The following HIBADH variants were observed in gnomAD, a reference collection of about 807,000 sequenced individuals.
HIBADH encodes the protein 3-hydroxyisobutyrate dehydrogenase.
HIBADH carries 25 observed loss-of-function variants against 36.1 expected under a neutral mutation model. That is an observed-to-expected ratio of 0.69 (90% CI 0.50 to 0.97). HIBADH has a LOEUF of 0.97. Ranked by LOEUF, HIBADH falls within the 50% of genes least tolerant of loss-of-function variation. The probability of loss-of-function intolerance (pLI) is 0.00; values close to 1 mark genes in which losing one functional copy is unlikely to be tolerated. For synonymous variants in HIBADH, 160 were observed against 149.5 expected (o/e 1.07, Z -0.51); for missense variants, 421 against 418.0 (o/e 1.01, Z -0.06).
intron 4 of HIBADH, among the ~76,000 whole-genome samples, chr7:27,620,710 T>C (rs1331049372): frequency 6.6e-6 from 1 of 151,846 alleles, no homozygotes; most frequent in East Asian, 1.9e-4. Context: ...CATGAAAGTA[T>C]AAAACTCACC....
At chr7:27,578,909 C>A (rs1222036012) in intron 4 of HIBADH, among the ~76,000 whole-genome samples, 1 of 151,848 alleles carries the variant, frequency 6.6e-6, no homozygotes, top group African/African-American at 2.4e-5. Context: ...AAAGATTTAA[C>A]CTAAAATTAA....
chr7:27,578,835 C>T (rs575564102), intron 4 of HIBADH, among the ~76,000 whole-genome samples: 1 of 152,146 alleles, frequency 6.6e-6, no homozygotes, highest in South Asian at 2.1e-4. Context: ...CAGAACAAGT[C>T]AAGATTCTCT....
At chr7:27,641,626 A>T (rs1785962922) in intron 2 of HIBADH, among the ~76,000 whole-genome samples, 1 of 152,212 alleles carries the variant, frequency 6.6e-6, no homozygotes, top group Non-Finnish European at 1.5e-5. Context: ...CTATGAAATA[A>T]GAATGTTGAC....
At chr7:27,603,973 A>G (rs990464845) in intron 4 of HIBADH, among the ~76,000 whole-genome samples, 4 of 152,118 alleles carry the variant, frequency 2.6e-5, no homozygotes, top group African/African-American at 4.8e-5. Flanking sequence ...ACCAACACAC[A>G]TACATAAAAT....
chr7:27,612,122 T>C (rs77230465), intron 4 of HIBADH, among the ~76,000 whole-genome samples: 5,202 of 152,238 alleles, frequency 0.034, 117 homozygotes, highest in South Asian at 0.093. Context: ...GTGCCTTCTT[T>C]GTATGAACTG....
chr7:27,602,771 G>A (rs958224956), intron 4 of HIBADH, among the ~76,000 whole-genome samples: 1 of 151,972 alleles, frequency 6.6e-6, no homozygotes, highest in African/African-American at 2.4e-5. Flanking sequence ...ATCATTTTAA[G>A]GTTTCACTTG....
At chr7:27,654,050 T>C (rs942711082) in intron 1 of HIBADH, among the ~76,000 whole-genome samples, 1 of 152,174 alleles carries the variant, frequency 6.6e-6, no homozygotes. Flanking sequence ...GATATTTTTA[T>C]CAATACAAAT....
chr7:27,527,772 C>T (rs1362666901), intron 7 of HIBADH, among the ~76,000 whole-genome samples: 5 of 38,964 alleles, frequency 1.3e-4, no homozygotes, highest in East Asian at 2.5e-3. Flanking sequence ...TTTTTTGAGA[C>T]GGAGTTTCTC....
At chr7:27,642,621 C>T (rs558435296) in intron 2 of HIBADH, among the ~76,000 whole-genome samples, 2 of 148,402 alleles carry the variant, frequency 1.3e-5, no homozygotes, top group African/African-American at 2.5e-5. Flanking sequence ...CTTATTCTTT[C>T]GCTGTCTGCC....
chr7:27,618,679 G>A (rs945287490), intron 4 of HIBADH, among the ~76,000 whole-genome samples: 1 of 124,920 alleles, frequency 8.0e-6, no homozygotes, highest in Non-Finnish European at 1.6e-5. Flanking sequence ...ACCTGAGGCT[G>A]GGTATTATAA....
intron 4 of HIBADH, among the ~76,000 whole-genome samples, chr7:27,611,487 CGT>C (rs1029221084): frequency 2.2e-5 from 3 of 133,556 alleles, no homozygotes; most frequent in Non-Finnish European, 4.8e-5. Context: ...AGACCCACTG[CGT>C]GTGTGCGCGC....
chr7:27,602,012 AT>A (rs1785138571), intron 4 of HIBADH, among the ~76,000 whole-genome samples: 1 of 152,084 alleles, frequency 6.6e-6, no homozygotes, highest in African/African-American at 2.4e-5. Context: ...CCTTTTAGTT[AT>A]TCTAGCAACC....
chr7:27,546,062 G>C (rs535591572), intron 4 of HIBADH, among the ~76,000 whole-genome samples: 1 of 152,214 alleles, frequency 6.6e-6, no homozygotes, highest in East Asian at 1.9e-4. Context: ...CTTCTTCATA[G>C]ATTGGCTGTG....
rs187559631 is a variant in HIBADH at position 27,526,080 on chromosome 7, G to A, written c.*134C>T. 3.1e-6 allele frequency: 2 copies of A among 646,116 alleles called. No individual in the cohort carries two copies. The highest frequency in any genetic ancestry group is 6.8e-5 in the East Asian group (2 of 29,494). 40.0% of individuals were successfully genotyped at this position (646,116 alleles called of 1,614,324 possible). A position where few individuals can be genotyped will look rare whatever the true frequency, so the allele number is the denominator to read the frequency against. On this transcript the variant is annotated 3_prime_UTR_variant, in exon 8 of 8. Transcript: ENST00000265395. ...AAAGAATAAGCGGTGAAAAATCCTA[G>A]GGATTACTGTGACCTAGACAATCAA...
At chr7:27,546,945 T>A (rs902232844) in intron 4 of HIBADH, among the ~76,000 whole-genome samples, 1 of 152,194 alleles carries the variant, frequency 6.6e-6, no homozygotes, top group East Asian at 1.9e-4. Flanking sequence ...GTCTCTGTAG[T>A]CTGTTCTCCA....
At chr7:27,629,270 G>C in intron 4 of HIBADH, 101 bp downstream of exon 4, 1 of 1,139,076 alleles carries the variant, frequency 8.8e-7, no homozygotes, top group Non-Finnish European at 1.2e-6. Flanking sequence ...CCTGTAACAA[G>C]TCTAAAAATA....
intron 7 of HIBADH, among the ~76,000 whole-genome samples, chr7:27,527,918 G>GTTTTTTTTT (rs746260280): frequency 6.5e-5 from 4 of 61,696 alleles, no homozygotes; most frequent in Non-Finnish European, 9.1e-5. Context: ...CACACCCAGC[G>GTTTTTTTTT]TTTTTTTTTT....
chr7:27,581,170 G>C (rs1784782810), intron 4 of HIBADH, among the ~76,000 whole-genome samples: 1 of 152,148 alleles, frequency 6.6e-6, no homozygotes, highest in Admixed American at 6.6e-5. Context: ...CTTGGGATTA[G>C]TGATCATTAA....
chr7:27,614,647 A>C (rs1562644390), intron 4 of HIBADH, among the ~76,000 whole-genome samples: 2 of 152,244 alleles, frequency 1.3e-5, no homozygotes, highest in African/African-American at 4.8e-5. Flanking sequence ...TTGTTGCTAT[A>C]TAAAAATCCT....
Sources: allele counts gnomAD v4.1 joint callset (sites outside exome capture counted in the v4.1 genomes callset), GRCh38; gene constraint gnomAD v4.1.1; transcripts MANE v1.5; gene names NCBI Gene and HGNC (gene_info 2026-07-23, HGNC 2026-07-21).